Variants in GRB14 observed in about 807,000 individuals in gnomAD.
GRB14 encodes the protein growth factor receptor bound protein 14.
In GRB14, 38 loss-of-function variants were observed where a neutral mutation model predicts 69.1. The observed-to-expected ratio is 0.55, with a 90% CI of 0.42 to 0.72. GRB14 has a LOEUF of 0.72. GRB14 is among the 30% of genes least tolerant of loss of function. The pLI, the probability that GRB14 is intolerant of heterozygous loss-of-function variation, is 0.00. For synonymous variants in GRB14, 247 were observed against 241.3 expected (o/e 1.02, Z -0.22); for missense variants, 666 against 666.1 (o/e 1.00, Z 0.00).
intron 2 of GRB14, among the ~76,000 whole-genome samples, chr2:164,578,749 G>T (rs1425963307): frequency 2.0e-5 from 3 of 152,306 alleles, no homozygotes; most frequent in Non-Finnish European, 1.5e-5. Flanking sequence ...AGATGTTACG[G>T]AAGGAAATTT....
chr2:164,580,952 G>A (rs1689389485), intron 2 of GRB14, among the ~76,000 whole-genome samples: 1 of 152,176 alleles, frequency 6.6e-6, no homozygotes, highest in African/African-American at 2.4e-5. Flanking sequence ...ACAGCAGGCT[G>A]TTCTATTAGC....
At chr2:164,559,802 C>T (rs1688775718) in intron 2 of GRB14, among the ~76,000 whole-genome samples, 1 of 152,134 alleles carries the variant, frequency 6.6e-6, no homozygotes, top group South Asian at 2.1e-4. Flanking sequence ...GGTAGATACC[C>T]AGAAGTGGGA....
chr2:164,597,546 G>A (rs554133655), intron 2 of GRB14, among the ~76,000 whole-genome samples: 2 of 151,954 alleles, frequency 1.3e-5, no homozygotes, highest in Admixed American at 1.3e-4. Flanking sequence ...AATAAACTGA[G>A]GAATTTAATT....
At chr2:164,572,147 G>A (rs1400502237) in intron 2 of GRB14, among the ~76,000 whole-genome samples, 2 of 152,140 alleles carry the variant, frequency 1.3e-5, no homozygotes, top group African/African-American at 4.8e-5. Flanking sequence ...CTGGGCAGAA[G>A]AAAAATGCTA....
chr2:164,508,516 A>T lies in GRB14; in HGVS notation c.962T>A (p.Met321Lys). 2 of 1,613,934 alleles carry T rather than the reference A, an allele frequency of 1.2e-6. No homozygotes were observed. The highest frequency in any genetic ancestry group is 1.7e-6 in the Non-Finnish European group (2 of 1,179,954). ...ACTCTGCTCTTCTTCTGCACAGAGC[A>T]TTTTCAGGTCTCGGGGCCCTCCCGC... ...NKAGGPRDLK[M>K]LCAEEEQSRT... The change falls in exon 8 of 14, where the codon ATG becomes AAG. Residue 321 changes from methionine (M) to lysine (K), a missense_variant. By Grantham distance (95) the Met-to-Lys change is moderately conservative. Coordinates refer to ENST00000263915, the MANE Select transcript of GRB14 (RefSeq NM_004490.3).
chr2:164,547,981 A>C (rs1688429129), intron 2 of GRB14, among the ~76,000 whole-genome samples, 165 bp from the exon 3 acceptor site: 1 of 152,256 alleles, frequency 6.6e-6, no homozygotes, highest in Non-Finnish European at 1.5e-5. Flanking sequence ...ATCACCTCAC[A>C]TAGCTACCCA....
At position 164,582,150 on chromosome 2, in the gene GRB14, C is replaced by T. The variant is rs73028077; in HGVS notation, c.325-34334G>A. On this transcript the variant is annotated intron_variant, in intron 2 of 13. Transcript: ENST00000263915. ...TATCCCCATTTGGATGACTCACATG[C>T]AATTCAAACTCAAAAAGTCTAAGCC... 2.2e-3 allele frequency among the ~76,000 whole-genome samples: 333 copies of T among 152,218 alleles called. 1 individual carries two copies. Among genetic ancestry groups the T allele is most frequent in the African/African-American group, 7.9e-3 (329 of 41,500 alleles).
chr2:164,529,892 T>C (rs1390420453), intron 3 of GRB14, among the ~76,000 whole-genome samples: 1 of 152,176 alleles, frequency 6.6e-6, no homozygotes, highest in Non-Finnish European at 1.5e-5. Context: ...AGTCATTTGT[T>C]CATCCATTCA....
At position 164,621,469 on chromosome 2, in the gene GRB14, G is replaced by A. The variant is rs1325010498; in HGVS notation, c.-160C>T. On this transcript the variant is annotated 5_prime_UTR_variant, in exon 1 of 14. Transcript: ENST00000263915. The surrounding 1 kb of genome is among the most constrained non-coding windows in gnomAD (Gnocchi z 6.0). ...GGGGCCCCGGCGGCTGAGACGCGCG[G>A]CCGAGCTATCTGCGAGGCGGCGGGG... is the stretch of plus-strand genomic sequence containing the variant. The A allele has an allele frequency of 1.3e-5, 4 of 309,316 alleles. No homozygotes were observed. Among genetic ancestry groups the A allele is most frequent in the African/African-American group, 6.7e-5 (3 of 44,706 alleles). The allele number at this position is 309,316 out of a possible 1,614,324, so 19.2% of individuals were successfully genotyped here. A position where few individuals can be genotyped will look rare whatever the true frequency, so the allele number is the denominator to read the frequency against.
At chr2:164,540,376 C>T (rs757989624) in intron 3 of GRB14, among the ~76,000 whole-genome samples, 2 of 152,030 alleles carry the variant, frequency 1.3e-5, no homozygotes, top group Non-Finnish European at 2.9e-5. Flanking sequence ...TTTGGGAGTC[C>T]GAGGCGGGTG....
At chr2:164,615,060 G>A (rs1396815148) in intron 2 of GRB14, among the ~76,000 whole-genome samples, 1 of 152,130 alleles carries the variant, frequency 6.6e-6, no homozygotes, top group Non-Finnish European at 1.5e-5. Flanking sequence ...AGTGTGGTAA[G>A]GGACAGGACA....
intron 2 of GRB14, among the ~76,000 whole-genome samples, chr2:164,616,820 A>G (rs1690309562): frequency 6.6e-6 from 1 of 152,250 alleles, no homozygotes; most frequent in African/African-American, 2.4e-5. Flanking sequence ...CAAATGAGAG[A>G]GAATATAAAG....
intron 9 of GRB14, among the ~76,000 whole-genome samples, chr2:164,498,850 C>T (rs781107082): frequency 1.2e-4 from 19 of 152,242 alleles, no homozygotes; most frequent in Admixed American, 4.6e-4. Flanking sequence ...GCTGTAGTGG[C>T]CTACAATCTT....
At chr2:164,614,620 C>A (rs936354329) in intron 2 of GRB14, among the ~76,000 whole-genome samples, 12 of 151,958 alleles carry the variant, frequency 7.9e-5, no homozygotes, top group African/African-American at 2.9e-4. Flanking sequence ...AATACTTTAG[C>A]AAAGAAAATA....
At chr2:164,602,133 TAA>T (rs1305497247) in intron 2 of GRB14, among the ~76,000 whole-genome samples, 1 of 103,492 alleles carries the variant, frequency 9.7e-6, no homozygotes, top group Non-Finnish European at 2.0e-5. Context: ...TTTTTAAATT[TAA>T]AAAAAAAAAA....
chr2:164,560,052 A>G (rs955034241), intron 2 of GRB14, among the ~76,000 whole-genome samples: 7 of 152,180 alleles, frequency 4.6e-5, no homozygotes, highest in African/African-American at 1.7e-4. Context: ...CAAATGAAAA[A>G]GCTGAAGCTG....
At chr2:164,541,234 G>A (rs1166773259) in intron 3 of GRB14, among the ~76,000 whole-genome samples, 1 of 152,038 alleles carries the variant, frequency 6.6e-6, no homozygotes. Context: ...TTGGGAGGCC[G>A]AGGTGGGGTG....
intron 6 of GRB14, among the ~76,000 whole-genome samples, chr2:164,521,520 C>T (rs1687633517): frequency 6.6e-6 from 1 of 151,966 alleles, no homozygotes; most frequent in Non-Finnish European, 1.5e-5. Context: ...GAAATAAATC[C>T]ATCAATCAAT....
chr2:164,532,666 G>A (rs1454069650), intron 3 of GRB14, among the ~76,000 whole-genome samples: 2 of 152,180 alleles, frequency 1.3e-5, no homozygotes, highest in Non-Finnish European at 2.9e-5. Flanking sequence ...TAGTAGCCAA[G>A]AGAAGCTGTT....
Sources: allele counts gnomAD v4.1 joint callset (sites outside exome capture counted in the v4.1 genomes callset), GRCh38; gene constraint gnomAD v4.1.1; non-coding constraint Gnocchi (gnomAD v3.1); transcripts MANE v1.5; gene names NCBI Gene and HGNC (gene_info 2026-07-23, HGNC 2026-07-21).